SCIN: variants seen among roughly 807,000 people sequenced by gnomAD.
The protein encoded by SCIN is adseverin.
In SCIN, 91 loss-of-function variants were observed where a neutral mutation model predicts 91.8. The observed-to-expected ratio is 0.99, with a 90% CI of 0.84 to 1.18. SCIN has a LOEUF of 1.18. Ranked by LOEUF, SCIN falls within the 50% of genes most tolerant of loss-of-function variation. The pLI is 0.00. For missense variants in SCIN, 1,087 were observed against 863.9 expected, an observed-to-expected ratio of 1.26 and a Z score of -3.24; for synonymous variants, 367 against 312.6, an observed-to-expected ratio of 1.17 and a Z score of -1.84.
At chr7:12,624,828 C>A (rs866742842) in intron 5 of SCIN, among the ~76,000 whole-genome samples, 182 bp from the exon 6 acceptor site, 14 of 152,166 alleles carry the variant, frequency 9.2e-5, no homozygotes, top group Middle Eastern at 3.4e-3. Flanking sequence ...TTTTCATTTT[C>A]TTTGAAACAG....
chr7:12,616,378 C>A (rs1755825494), intron 4 of SCIN, among the ~76,000 whole-genome samples: 1 of 152,080 alleles, frequency 6.6e-6, no homozygotes, highest in South Asian at 2.1e-4. Flanking sequence ...GAGTTTGGCC[C>A]CTTCTTGCTC....
intron 3 of SCIN, chr7:12,588,811 GGGGGGGGGGGTGCGGGGGCGGGTGGGAA>G (rs1782648187): frequency 1.4e-5 from 1 of 72,814 alleles, no homozygotes; most frequent in Non-Finnish European, 2.7e-5. Flanking sequence ...CATTGGGTGG[GGGGGGGGGGGTGCGGGGGCGGGTGGGAA>G]GGGGGAGGGG....
chr7:12,595,002 C>T (rs139589552), intron 3 of SCIN, among the ~76,000 whole-genome samples: 10 of 151,966 alleles, frequency 6.6e-5, no homozygotes, highest in Admixed American at 2.0e-4. Flanking sequence ...TTAGCAGGTT[C>T]GGGAAGGGGA....
Position 12,660,006 on chromosome 7 carries a change from C to G in SCIN, c.*7291C>G, listed in dbSNP as rs542557864. The G allele has an allele frequency of 2.0e-5, 3 of 152,446 alleles. No individual in the cohort carries two copies. The highest frequency in any genetic ancestry group is 2.1e-4 in the South Asian group (1 of 4,830). The allele number at this position is 152,446 out of a possible 1,614,324, so 9.4% of individuals were successfully genotyped here. On this transcript the variant is annotated 3_prime_UTR_variant, in exon 16 of 16. Coordinates refer to ENST00000297029, the MANE Select transcript of SCIN (RefSeq NM_001112706.3). ...AAGGTTCTTTGTAATTCTTCCCACC[C>G]TTGAGAATGTACTTTGTGAGATCCA... is the stretch of plus-strand genomic sequence containing the variant.
chr7:12,599,203 C>G (rs2115244068), intron 3 of SCIN, among the ~76,000 whole-genome samples: 1 of 152,156 alleles, frequency 6.6e-6, no homozygotes, highest in South Asian at 2.1e-4. Context: ...AAAAAGAAAA[C>G]TTGACTTTTA....
chr7:12,579,047 G>A (rs563723667), intron 2 of SCIN, among the ~76,000 whole-genome samples: 3 of 151,162 alleles, frequency 2.0e-5, no homozygotes, highest in African/African-American at 4.9e-5. Flanking sequence ...ACAGATTTCC[G>A]AAATCAAACA....
At chr7:12,580,956 T>G (rs1229929818) in intron 2 of SCIN, 104 bp from the exon 3 acceptor site, 1 of 1,202,724 alleles carries the variant, frequency 8.3e-7, no homozygotes, top group African/African-American at 1.5e-5. Flanking sequence ...AGGTACAGTT[T>G]TGGCACAAAC....
chr7:12,651,680 A>C lies in SCIN; in HGVS notation c.1960-161A>C, dbSNP rs1432733764. ...TCTCCTGATGAGTGTGAACACTGGGAAAGTGATGGTACCTCTCTGGGCCAC... is the reference window on the plus strand; with the variant it reads ...TCTCCTGATGAGTGTGAACACTGGGCAAGTGATGGTACCTCTCTGGGCCAC... On this transcript the variant is annotated intron_variant, in intron 14 of 15. Transcript: ENST00000297029. This position sits in a 1 kb window ranked among gnomAD's most constrained non-coding sequence, Gnocchi z 5.9. Among the ~76,000 whole-genome samples, 1 of 152,172 alleles carries C rather than the reference A, an allele frequency of 6.6e-6. No homozygotes were observed. The highest frequency in any genetic ancestry group is 2.4e-5 in the African/African-American group (1 of 41,446).
intron 2 of SCIN, among the ~76,000 whole-genome samples, chr7:12,580,723 T>C (rs572978142): frequency 1.8e-4 from 27 of 152,336 alleles, no homozygotes; most frequent in African/African-American, 6.3e-4. Context: ...TTGCTCATTA[T>C]TGATTTGGGG....
intron 11 of SCIN, among the ~76,000 whole-genome samples, chr7:12,643,119 A>G (rs1395652466): frequency 6.6e-6 from 1 of 152,184 alleles, no homozygotes; most frequent in African/African-American, 2.4e-5. Context: ...CCCAGTGGAC[A>G]TTCCTTTGTG....
chr7:12,642,178 C>A (rs1783871195), intron 11 of SCIN, among the ~76,000 whole-genome samples: 1 of 151,788 alleles, frequency 6.6e-6, no homozygotes, highest in African/African-American at 2.4e-5. Flanking sequence ...GACTATTGCT[C>A]CTATCTAAGG....
At chr7:12,604,875 C>G (rs75683757) in intron 4 of SCIN, among the ~76,000 whole-genome samples, 1,688 of 152,146 alleles carry the variant, frequency 0.011, 33 homozygotes, top group African/African-American at 0.04. Context: ...ATGACTTTCT[C>G]TTACCGTTGG....
At chr7:12,620,846 G>A (rs558949936) in intron 4 of SCIN, among the ~76,000 whole-genome samples, 1 of 152,186 alleles carries the variant, frequency 6.6e-6, no homozygotes, top group East Asian at 1.9e-4. Context: ...CTTACAGAAA[G>A]TAATTGAAAG....
intron 3 of SCIN, chr7:12,595,424 C>T (rs1008862465): frequency 1.5e-5 from 2 of 136,890 alleles, no homozygotes; most frequent in African/African-American, 2.8e-5. Flanking sequence ...AGATAAGGAT[C>T]CAGGAATGCA....
intron 9 of SCIN, among the ~76,000 whole-genome samples, chr7:12,629,794 G>A (rs1411321865): frequency 6.6e-6 from 1 of 152,078 alleles, no homozygotes; most frequent in Admixed American, 6.6e-5. Context: ...CCTGCTCAAG[G>A]AGGAAATGAT....
chr7:12,605,754 A>C (rs1423693863), intron 4 of SCIN, among the ~76,000 whole-genome samples: 1 of 152,192 alleles, frequency 6.6e-6, no homozygotes, highest in Non-Finnish European at 1.5e-5. Flanking sequence ...TCGTTAAAGG[A>C]ATTAAATACA....
At position 12,586,880 on chromosome 7, in the gene SCIN, G is replaced by A. The variant is rs528614281; in HGVS notation, c.516+5659G>A. On this transcript the variant is annotated intron_variant, in intron 3 of 15. Coordinates refer to ENST00000297029, the MANE Select transcript of SCIN (RefSeq NM_001112706.3). ...TCAAATGCAGGGACTTAAAAAATGA[G>A]CTCATAGATCTAGAGAGTAGAATTG... Among the ~76,000 whole-genome samples, 10 of 152,246 alleles carry A rather than the reference G, an allele frequency of 6.6e-5. 1 individual carries two copies. In the South Asian group the frequency reaches 1.9e-3, roughly 28 times the overall value.
chr7:12,604,739 TAAGGCAGCA>T, intron 4 of SCIN, 76 bp downstream of exon 4: 1 of 1,316,166 alleles, frequency 7.6e-7, no homozygotes, highest in Non-Finnish European at 1.0e-6. Flanking sequence ...TGTGTGTGTG[TAAGGCAGCA>T]GGGTGGGGAA....
At chr7:12,635,156 G>A (rs559769870) in intron 9 of SCIN, among the ~76,000 whole-genome samples, 1 of 151,786 alleles carries the variant, frequency 6.6e-6, no homozygotes, top group East Asian at 2.0e-4. Context: ...GGTGATGAGT[G>A]AGACTCTGTC....
Sources: allele counts gnomAD v4.1 joint callset (sites outside exome capture counted in the v4.1 genomes callset), GRCh38; gene constraint gnomAD v4.1.1; non-coding constraint Gnocchi (gnomAD v3.1); transcripts MANE v1.5; gene names NCBI Gene and HGNC (gene_info 2026-07-23, HGNC 2026-07-21).